Variants in HTR4 observed in about 807,000 individuals in gnomAD.
The protein encoded by HTR4 is 5-hydroxytryptamine receptor 4.
Under a neutral mutation model 36.8 loss-of-function variants are expected in HTR4, and 16 were observed. The ratio of observed to expected loss-of-function variants is 0.43; its 90% CI spans 0.29 to 0.66. The LOEUF is 0.66. HTR4 is among the 30% of genes least tolerant of loss of function. The probability of loss-of-function intolerance (pLI) is 0.13; values close to 1 mark genes in which losing one functional copy is unlikely to be tolerated. For missense variants in HTR4, 438 were observed against 490.9 expected (o/e 0.89, Z 1.02); for synonymous variants, 189 against 185.1 (o/e 1.02, Z -0.17).
chr5:148,602,294 T>C (rs1018921939), intron 2 of HTR4, among the ~76,000 whole-genome samples: 2 of 152,268 alleles, frequency 1.3e-5, no homozygotes, highest in South Asian at 4.1e-4. Flanking sequence ...TTTTTACATG[T>C]CAATGATACC....
chr5:148,597,067 C>T (rs745329306), intron 2 of HTR4, among the ~76,000 whole-genome samples: 1 of 152,156 alleles, frequency 6.6e-6, no homozygotes, highest in African/African-American at 2.4e-5. Flanking sequence ...CTACCCACCC[C>T]CTGAAGCCCA....
chr5:148,523,481 G>A (rs1758122492), intron 4 of HTR4, 135 bp from the exon 5 acceptor site: 2 of 558,058 alleles, frequency 3.6e-6, no homozygotes, highest in Non-Finnish European at 2.9e-6. Context: ...ACATTGAGGA[G>A]AAGAGTCGGA....
intron 2 of HTR4, among the ~76,000 whole-genome samples, chr5:148,593,601 CCTT>C (rs1284479997): frequency 2.6e-5 from 4 of 152,096 alleles, no homozygotes; most frequent in Non-Finnish European, 4.4e-5. Context: ...CTGAAATAAA[CCTT>C]CTAATTACTG....
At chr5:148,468,838 C>T (rs553427499) in intron 5 of HTR4, among the ~76,000 whole-genome samples, 16 of 152,170 alleles carry the variant, frequency 1.1e-4, no homozygotes, top group African/African-American at 3.9e-4. Flanking sequence ...AGCAGTTACC[C>T]CCATGCTGCT....
intron 2 of HTR4, among the ~76,000 whole-genome samples, chr5:148,583,277 G>T (rs1041530648): frequency 3.4e-5 from 5 of 148,450 alleles, no homozygotes; most frequent in Non-Finnish European, 6.0e-5. Context: ...GCATCCCAGG[G>T]ATGAAGCCCA....
chr5:148,606,644 G>A (rs1377379102), intron 2 of HTR4, among the ~76,000 whole-genome samples: 1 of 152,150 alleles, frequency 6.6e-6, no homozygotes, highest in Non-Finnish European at 1.5e-5. Context: ...TTTCTATGAA[G>A]GAGAGAGAAT....
intron 6 of HTR4, among the ~76,000 whole-genome samples, chr5:148,492,779 A>C (rs1014206905): frequency 6.6e-6 from 1 of 152,248 alleles, no homozygotes; most frequent in African/African-American, 2.4e-5. Flanking sequence ...TTGGTCAAAC[A>C]CTTAAGGTCA....
chr5:148,469,192 C>T (rs1755505959), intron 5 of HTR4, among the ~76,000 whole-genome samples: 1 of 152,062 alleles, frequency 6.6e-6, no homozygotes, highest in African/African-American at 2.4e-5. Flanking sequence ...TTTGAATCTC[C>T]TGACTTAAAA....
intron 2 of HTR4, among the ~76,000 whole-genome samples, chr5:148,620,308 A>G (rs937072383): frequency 1.3e-5 from 2 of 152,274 alleles, no homozygotes; most frequent in Admixed American, 6.5e-5. Flanking sequence ...AGGTGAAGTC[A>G]TAGCAGAACC....
chr5:148,475,407 C>T (rs10037493), downstream of HTR4, among the ~76,000 whole-genome samples: 71,880 of 151,950 alleles, frequency 0.47, 17,464 homozygotes, highest in East Asian at 0.71. Flanking sequence ...AAGTTGCATC[C>T]TTTTACTGTC....
At chr5:148,510,082 G>A in intron 5 of HTR4, 58 bp from the exon 6 acceptor site, 1 of 1,170,862 alleles carries the variant, frequency 8.5e-7, no homozygotes, top group Non-Finnish European at 1.2e-6. Flanking sequence ...AAGAAAAAGT[G>A]AAAAAGAAGT....
At chr5:148,511,148 G>GA (rs1757480309) in intron 5 of HTR4, among the ~76,000 whole-genome samples, 1 of 152,128 alleles carries the variant, frequency 6.6e-6, no homozygotes, top group African/African-American at 2.4e-5. Flanking sequence ...TGACATAGCT[G>GA]AACCTTCCAT....
chr5:148,583,492 A>G (rs1012303112), intron 2 of HTR4, among the ~76,000 whole-genome samples: 3 of 152,048 alleles, frequency 2.0e-5, no homozygotes, highest in African/African-American at 7.2e-5. Context: ...AGAATGATGC[A>G]AAGGCTAATA....
intron 2 of HTR4, among the ~76,000 whole-genome samples, chr5:148,555,645 T>A (rs905295014): frequency 1.3e-5 from 2 of 152,208 alleles, no homozygotes; most frequent in Non-Finnish European, 2.9e-5. Flanking sequence ...GCTGAAGAGC[T>A]GTCCACTCCA....
At chr5:148,627,027 A>T (rs1355220150) in intron 2 of HTR4, among the ~76,000 whole-genome samples, 1 of 152,142 alleles carries the variant, frequency 6.6e-6, no homozygotes, top group East Asian at 1.9e-4. Context: ...GCAATTCATC[A>T]TGATCTACCG....
intron 4 of HTR4, among the ~76,000 whole-genome samples, chr5:148,534,329 G>A (rs1350202848): frequency 6.6e-6 from 1 of 152,176 alleles, no homozygotes; most frequent in African/African-American, 2.4e-5. Context: ...CCTCCATGTA[G>A]TGGGAGATCC....
intron 6 of HTR4, among the ~76,000 whole-genome samples, chr5:148,483,949 ATTTATTTATTTATTTATTTAT>A (rs927683911): frequency 1.7e-5 from 2 of 116,962 alleles, no homozygotes; most frequent in African/African-American, 6.3e-5. Context: ...TTATTTATTT[ATTTATTTATTTATTTATTTAT>A]TTATTTATTT....
chr5:148,547,475 C>T (rs761561911), intron 4 of HTR4, among the ~76,000 whole-genome samples: 8 of 149,860 alleles, frequency 5.3e-5, no homozygotes, highest in East Asian at 2.0e-4. Flanking sequence ...GCCGAGATTG[C>T]GGCACTGCAC....
At chr5:148,580,619 A>G (rs972945028) in intron 2 of HTR4, among the ~76,000 whole-genome samples, 2 of 152,050 alleles carry the variant, frequency 1.3e-5, no homozygotes, top group Admixed American at 6.6e-5. Context: ...CGAAACATAC[A>G]ATATTTGTCT....
Sources: gnomAD v4.1 joint callset for allele counts (sites outside exome capture counted in the v4.1 genomes callset) on GRCh38, gnomAD v4.1.1 for gene constraint, MANE v1.5 for transcripts, NCBI Gene and HGNC (gene_info 2026-07-23, HGNC 2026-07-21) for gene names.